The following FRMD5 variants were observed in gnomAD, a reference collection of about 807,000 sequenced individuals.
The protein encoded by FRMD5 is FERM domain containing 5, also known as FERM domain-containing protein 5.
In FRMD5, 20 loss-of-function variants were observed where a neutral mutation model predicts 69.0. The observed-to-expected ratio is 0.29, with a 90% CI of 0.20 to 0.42. The LOEUF is 0.42. FRMD5 is among the 10% of genes least tolerant of loss of function. The pLI is 1.00. For missense variants in FRMD5, 595 were observed against 708.6 expected (o/e 0.84, Z 1.82); for synonymous variants, 271 against 260.1 (o/e 1.04, Z -0.40).
intron 1 of FRMD5, among the ~76,000 whole-genome samples, chr15:44,112,657 G>C (rs1457822139): frequency 6.6e-6 from 1 of 151,906 alleles, no homozygotes; most frequent in Admixed American, 6.6e-5. Flanking sequence ...TGTAGAGACG[G>C]GGTTTCACCA....
At chr15:43,996,686 C>CTT (rs1256273194) in intron 1 of FRMD5, among the ~76,000 whole-genome samples, 1 of 91,818 alleles carries the variant, frequency 1.1e-5, no homozygotes, top group African/African-American at 3.8e-5. Flanking sequence ...TGGGGATTGC[C>CTT]TTTTTTTTTT....
At chr15:43,946,645 C>T (rs1448331979) in intron 1 of FRMD5, among the ~76,000 whole-genome samples, 1 of 152,028 alleles carries the variant, frequency 6.6e-6, no homozygotes, top group Non-Finnish European at 1.5e-5. Context: ...GTCTTGTGTT[C>T]AGGAGAGAAG....
intron 1 of FRMD5, among the ~76,000 whole-genome samples, chr15:43,928,581 G>A (rs1220280402): frequency 1.3e-5 from 2 of 152,214 alleles, no homozygotes; most frequent in Non-Finnish European, 2.9e-5. Flanking sequence ...TCCTGGGCTT[G>A]TGGATCCCCT....
chr15:43,889,985 G>A (rs564053575), intron 8 of FRMD5, among the ~76,000 whole-genome samples: 6 of 152,250 alleles, frequency 3.9e-5, no homozygotes, highest in African/African-American at 1.4e-4. Context: ...AAAAGTTCAG[G>A]GGACAGAGGA....
intron 1 of FRMD5, among the ~76,000 whole-genome samples, chr15:43,936,484 C>T (rs1313966137): frequency 6.6e-6 from 1 of 152,190 alleles, no homozygotes; most frequent in Non-Finnish European, 1.5e-5. Flanking sequence ...AGCCACCACG[C>T]CCGGCCAAGA....
intron 1 of FRMD5, among the ~76,000 whole-genome samples, chr15:43,936,712 T>C (rs2089767834): frequency 6.6e-6 from 1 of 151,030 alleles, no homozygotes; most frequent in African/African-American, 2.4e-5. Flanking sequence ...TGCTGGGTTC[T>C]GCCTTTTATC....
At chr15:43,916,456 T>C (rs1595515267) in intron 4 of FRMD5, among the ~76,000 whole-genome samples, 1 of 152,232 alleles carries the variant, frequency 6.6e-6, no homozygotes, top group East Asian at 1.9e-4. Context: ...GCCTACGGAC[T>C]GTGTAATGAA....
intron 1 of FRMD5, among the ~76,000 whole-genome samples, chr15:44,041,931 A>T (rs1892212505): frequency 6.6e-6 from 1 of 152,210 alleles, no homozygotes; most frequent in Non-Finnish European, 1.5e-5. Context: ...AACTAAGATC[A>T]GAGCAGAACT....
intron 1 of FRMD5, among the ~76,000 whole-genome samples, chr15:44,129,463 G>A (rs897466380): frequency 1.3e-5 from 2 of 152,128 alleles, no homozygotes; most frequent in African/African-American, 4.8e-5. Flanking sequence ...ATCCAGTGAG[G>A]AGTGATGGCA....
intron 1 of FRMD5, among the ~76,000 whole-genome samples, chr15:44,151,319 C>T (rs1347823070): frequency 6.6e-6 from 1 of 151,130 alleles, no homozygotes; most frequent in African/African-American, 2.4e-5. Flanking sequence ...ATGGTGTGAA[C>T]CCAGGAGGTG....
chr15:44,042,627 C>T (rs186972627), intron 1 of FRMD5, among the ~76,000 whole-genome samples: 276 of 152,176 alleles, frequency 1.8e-3, no homozygotes, highest in Non-Finnish European at 1.6e-3. Flanking sequence ...GTTCAACATA[C>T]GCAAATCAAT....
At chr15:44,010,575 G>A (rs1453707799) in intron 1 of FRMD5, among the ~76,000 whole-genome samples, 3 of 151,986 alleles carry the variant, frequency 2.0e-5, no homozygotes, top group Non-Finnish European at 4.4e-5. Context: ...AGTAGAGACA[G>A]GGTTTCACCA....
chr15:44,010,014 G>T (rs1890641594), intron 1 of FRMD5, among the ~76,000 whole-genome samples: 1 of 152,152 alleles, frequency 6.6e-6, no homozygotes, highest in African/African-American at 2.4e-5. Context: ...ATCATACCCT[G>T]ACCTTCAAAG....
At chr15:44,136,186 TTTTGTTTTGTTTTGTTTGGTAGAGA>T (rs1175493083) in intron 1 of FRMD5, among the ~76,000 whole-genome samples, 3 of 132,760 alleles carry the variant, frequency 2.3e-5, no homozygotes, top group African/African-American at 7.8e-5. Context: ...CTATTTTTTG[TTTTGTTTTGTTTTGTTTGGTAGAGA>T]CGGGGTTTCA....
At chr15:44,075,204 T>C (rs1893707499) in intron 1 of FRMD5, among the ~76,000 whole-genome samples, 1 of 152,172 alleles carries the variant, frequency 6.6e-6, no homozygotes, top group African/African-American at 2.4e-5. Context: ...TACAGAGCCA[T>C]CATAAGTAGA....
intron 1 of FRMD5, among the ~76,000 whole-genome samples, chr15:44,122,225 T>A (rs1019798140): frequency 6.6e-6 from 1 of 152,048 alleles, no homozygotes; most frequent in Non-Finnish European, 1.5e-5. Flanking sequence ...AAAGAAGGCA[T>A]AAATAAATTA....
intron 1 of FRMD5, among the ~76,000 whole-genome samples, chr15:44,121,988 CAAAAA>C (rs34129381): frequency 1.4e-5 from 1 of 70,010 alleles, no homozygotes; most frequent in Non-Finnish European, 3.0e-5. Flanking sequence ...AAGGGAGACT[CAAAAA>C]AAAAAAAAAA....
intron 1 of FRMD5, among the ~76,000 whole-genome samples, chr15:43,978,011 T>C (rs2090490703): frequency 6.6e-6 from 1 of 152,120 alleles, no homozygotes; most frequent in African/African-American, 2.4e-5. Flanking sequence ...ATAGAAACTT[T>C]ATTATAAAAA....
chr15:43,963,985 A>C (rs2090249970), intron 1 of FRMD5, among the ~76,000 whole-genome samples: 1 of 152,140 alleles, frequency 6.6e-6, no homozygotes, highest in African/African-American at 2.4e-5. Flanking sequence ...GCAGCACACC[A>C]ACATGGCACA....
Sources: gnomAD v4.1 joint callset for allele counts (sites outside exome capture counted in the v4.1 genomes callset) on GRCh38, gnomAD v4.1.1 for gene constraint, MANE v1.5 for transcripts, NCBI Gene and HGNC (gene_info 2026-07-23, HGNC 2026-07-21) for gene names.